Variants in MAP7D1 observed in about 807,000 individuals in gnomAD.
MAP7D1 encodes the protein MAP7 domain containing 1.
MAP7D1 carries 30 observed loss-of-function variants against 97.5 expected under a neutral mutation model. The ratio of observed to expected loss-of-function variants is 0.31; its 90% confidence interval spans 0.23 to 0.42. The LOEUF (loss-of-function observed/expected upper bound fraction) is 0.42. Ranked by LOEUF, MAP7D1 falls within the 10% of genes least tolerant of loss-of-function variation. The probability of loss-of-function intolerance (pLI) is 1.00; values close to 1 mark genes in which losing one functional copy is unlikely to be tolerated. For missense variants in MAP7D1, 1,184 were observed against 1,179.5 expected, an observed-to-expected ratio of 1.00 and a Z score of -0.06; for synonymous variants, 536 against 477.1, an observed-to-expected ratio of 1.12 and a Z score of -1.61.
chr1:36,179,029 T>A lies in MAP7D1; in HGVS notation c.2130+4T>A. 7.7e-7 allele frequency: 1 copy of A among 1,297,304 alleles called. No individual in the cohort carries two copies. Among genetic ancestry groups the A allele is most frequent in the South Asian group, 1.2e-5 (1 of 80,210 alleles). The allele number at this position is 1,297,304 out of a possible 1,614,324, so 80.4% of individuals were successfully genotyped here. A position where few individuals can be genotyped will look rare whatever the true frequency, so the allele number is the denominator to read the frequency against. On this transcript the variant is annotated splice_donor_region_variant and intron_variant, in intron 12 of 16. Coordinates refer to ENST00000474796, the MANE Select transcript of MAP7D1 (RefSeq NM_001388490.1). The stretch of plus-strand genomic sequence containing the variant: ...AGAGCGGCAAGAGCGCAGAAAGGTG[T>A]GCGGACCTGGGCGGGGATTTGTGGG...
Position 36,176,693 on chromosome 1 carries a change from C to T in MAP7D1, c.1234-4C>T. The T allele has an allele frequency of 6.2e-7, 1 of 1,605,144 alleles. No individual in the cohort carries two copies. The highest frequency in any genetic ancestry group is 1.1e-5 in the South Asian group (1 of 89,134). On this transcript the variant is annotated splice_region_variant and splice_polypyrimidine_tract_variant and intron_variant, in intron 7 of 16. Coordinates refer to ENST00000474796, the MANE Select transcript of MAP7D1 (RefSeq NM_001388490.1). The surrounding 1 kb of genome is among the most constrained non-coding windows in gnomAD (Gnocchi z 6.1). ...CTCCTCTTCCGTTCCTCCTTCCCTG[C>T]CAGGTGCAGAAAAAGGAGAAGAAGG...
In MAP7D1 at chr1:36,170,979, G is replaced by A. The variant is rs1400613704; in HGVS notation, c.55G>A (p.Ala19Thr). 9 of 1,419,664 alleles carry A rather than the reference G, an allele frequency of 6.3e-6. No homozygotes were observed. In the East Asian group the frequency reaches 1.1e-4, roughly 18 times the overall value. 87.9% of individuals were successfully genotyped at this position (1,419,664 alleles called of 1,614,324 possible). A position where few individuals can be genotyped will look rare whatever the true frequency, so the allele number is the denominator to read the frequency against. ...LGAGAPPAVVARTPPEPRPSP... is the reference protein window; with the variant it reads ...LGAGAPPAVVTRTPPEPRPSP... ...TTGTGTTGGTCTTTCAGCTGTGGTCGCCAGGACCCCCCCAGAGCCAAGACC... is the reference window on the plus strand; with the variant it reads ...TTGTGTTGGTCTTTCAGCTGTGGTCACCAGGACCCCCCCAGAGCCAAGACC... Residue 19 changes from alanine to threonine, a missense_variant, in exon 2 of 17, where the codon GCC becomes ACC. By Grantham distance (58) the Ala-to-Thr change is moderately conservative. Coordinates refer to ENST00000474796, the MANE Select transcript of MAP7D1 (RefSeq NM_001388490.1).
Position 36,173,345 on chromosome 1 carries a change from TCTC to T in MAP7D1, c.625-17_625-15del. ...ATGTTCTGAGTCCACATCTCTCTCT[TCTC>T]CCCACCTTCCCCCAGGAGCGCTATG... On this transcript the variant is annotated splice_polypyrimidine_tract_variant and intron_variant, in intron 4 of 16. Coordinates refer to ENST00000474796, the MANE Select transcript of MAP7D1 (RefSeq NM_001388490.1). 6.3e-7 allele frequency: 1 copy of T among 1,595,332 alleles called. No homozygotes were observed. The highest frequency in any genetic ancestry group is 8.6e-7 in the Non-Finnish European group (1 of 1,165,844).
chr1:36,161,510 T>C (rs79152495), intron 1 of MAP7D1, among the ~76,000 whole-genome samples: 1 of 152,250 alleles, frequency 6.6e-6, no homozygotes, highest in African/African-American at 2.4e-5. Flanking sequence ...TCTCTGAACC[T>C]GTTTCCTCGT....
In MAP7D1 at chr1:36,176,141, T is replaced by C; in HGVS notation, c.851-58T>C. On this transcript the variant is annotated intron_variant, in intron 6 of 16. Coordinates refer to ENST00000474796, the MANE Select transcript of MAP7D1 (RefSeq NM_001388490.1). The surrounding 1 kb of genome is among the most constrained non-coding windows in gnomAD (Gnocchi z 6.1). Reference sequence around the variant, plus strand: ...ATGGTGCCTGGTCTGCTCCCTTGCCTCTTCCTGCCTCCTACGGCCCCCACG... The same window carrying C: ...ATGGTGCCTGGTCTGCTCCCTTGCCCCTTCCTGCCTCCTACGGCCCCCACG... 1 of 1,580,024 alleles carries C rather than the reference T, an allele frequency of 6.3e-7. No individual in the cohort carries two copies. Among genetic ancestry groups the C allele is most frequent in the Non-Finnish European group, 8.6e-7 (1 of 1,168,074 alleles).
Position 36,176,209 on chromosome 1 carries a change from G to A in MAP7D1, c.861G>A (p.Leu287=), listed in dbSNP as rs1416463153. ...LWNSPSRNRS[L]QLSAWESSIV... ...GCCTTCTACCCCCAGATCGCAGCCT[G>A]CAGCTGAGCGCATGGGAGAGCAGCA... is the stretch of plus-strand genomic sequence containing the variant. The change falls in exon 7 of 17, where the codon CTG becomes CTA. Residue 287 remains leucine, a synonymous_variant. Coordinates refer to ENST00000474796, the MANE Select transcript of MAP7D1 (RefSeq NM_001388490.1). This position sits in a 1 kb window ranked among gnomAD's most constrained non-coding sequence, Gnocchi z 6.1. 1 of 1,607,148 alleles carries A rather than the reference G, an allele frequency of 6.2e-7. No homozygotes were observed. Among genetic ancestry groups the A allele is most frequent in the Non-Finnish European group, 8.5e-7 (1 of 1,179,108 alleles).
chr1:36,169,113 G>A (rs377409608), intron 1 of MAP7D1, among the ~76,000 whole-genome samples: 6 of 152,114 alleles, frequency 3.9e-5, no homozygotes, highest in South Asian at 4.1e-4. Flanking sequence ...TTAGCTGGGC[G>A]TGGTGGCAGG....
chr1:36,179,633 C>A, intron 14 of MAP7D1, 33 bp from the exon 15 acceptor site: 1 of 1,544,258 alleles, frequency 6.5e-7, no homozygotes, highest in African/African-American at 1.4e-5. Context: ...TCTTGCCAGC[C>A]CCTGGCTGAT....
rs769778260 is a variant in MAP7D1 at position 36,176,471 on chromosome 1, G to T, written c.1123G>T (p.Val375Phe). ...CGCCAGCCCCCTGACGCCGTGCAGC[G>T]TCACCCGAAGCGTGCACCGCTGCGC... ...ASASPLTPCS[V>F]TRSVHRCAPA... is the part of the protein sequence containing the mutation. Residue 375 changes from valine (V) to phenylalanine (F), a missense_variant, in exon 7 of 17, where the codon GTC becomes TTC. Coordinates refer to ENST00000474796, the MANE Select transcript of MAP7D1 (RefSeq NM_001388490.1). The surrounding 1 kb of genome is among the most constrained non-coding windows in gnomAD (Gnocchi z 6.1). The T allele has an allele frequency of 4.8e-6, 7 of 1,472,392 alleles. No individual in the cohort carries two copies. The Admixed American group carries it at 1.6e-4, about 34-fold the overall frequency. 91.2% of individuals were successfully genotyped at this position (1,472,392 alleles called of 1,614,324 possible).
intron 1 of MAP7D1, among the ~76,000 whole-genome samples, chr1:36,167,539 T>A (rs1644488117): frequency 6.6e-6 from 1 of 152,096 alleles, no homozygotes; most frequent in Admixed American, 6.6e-5. Flanking sequence ...AGGTGCTGCT[T>A]ACCAAGCCCC....
In MAP7D1 at chr1:36,156,389, A is replaced by AC. The variant is rs1644329092; in HGVS notation, c.-25dup. ...GGCCGCCGCCGCCGCCGCCGCTGAG[A>AC]CCCCGAGACCCCCAGTGACGCCGCA... On this transcript the variant is annotated 5_prime_UTR_variant, in exon 1 of 17. Coordinates refer to ENST00000474796, the MANE Select transcript of MAP7D1 (RefSeq NM_001388490.1). 3.4e-6 allele frequency: 5 copies of AC among 1,482,824 alleles called. No individual in the cohort carries two copies. The highest frequency in any genetic ancestry group is 4.4e-6 in the Non-Finnish European group (5 of 1,123,948). 91.9% of individuals were successfully genotyped at this position (1,482,824 alleles called of 1,614,324 possible). A position where few individuals can be genotyped will look rare whatever the true frequency, so the allele number is the denominator to read the frequency against.
chr1:36,177,584 A>C (rs1240299725), intron 8 of MAP7D1: 1 of 679,444 alleles, frequency 1.5e-6, no homozygotes, highest in African/African-American at 1.8e-5. Context: ...GGTAGCACTC[A>C]GGGTGCTGAG....
chr1:36,180,295 CT>C lies in MAP7D1; in HGVS notation c.*38del. The C allele has an allele frequency of 6.2e-7, 1 of 1,613,770 alleles. No homozygotes were observed. The highest frequency in any genetic ancestry group is 8.5e-7 in the Non-Finnish European group (1 of 1,179,642). On this transcript the variant is annotated 3_prime_UTR_variant, in exon 17 of 17. Coordinates refer to ENST00000474796, the MANE Select transcript of MAP7D1 (RefSeq NM_001388490.1). ...TTGGATCCGGGCACAGTTGTGAGGG[CT>C]CCTCTGCATCACCTACCAGGATGTC...
rs992987348 is a variant in MAP7D1, at chr1:36,159,127, G to A, written c.46+2664G>A. Among the ~76,000 whole-genome samples the A allele has an allele frequency of 4.6e-5, 7 of 151,890 alleles. No individual in the cohort carries two copies. The highest frequency in any genetic ancestry group is 2.1e-4 in the South Asian group (1 of 4,814). ...GGCTGGAGTGCAATGCCACGATCTC[G>A]GCACACTGCAACCTCCGCCTCCCAG... On this transcript the variant is annotated intron_variant, in intron 1 of 16. Transcript: ENST00000474796. This position sits in a 1 kb window ranked among gnomAD's most constrained non-coding sequence, Gnocchi z 5.4.
At position 36,156,481 on chromosome 1, in the gene MAP7D1, C is replaced by T; in HGVS notation, c.46+18C>T. 1 of 1,449,136 alleles carries T rather than the reference C, an allele frequency of 6.9e-7. No individual in the cohort carries two copies. Among genetic ancestry groups the T allele is most frequent in the Admixed American group, 2.8e-5 (1 of 35,946 alleles). The allele number at this position is 1,449,136 out of a possible 1,614,324, so 89.8% of individuals were successfully genotyped here. A position where few individuals can be genotyped will look rare whatever the true frequency, so the allele number is the denominator to read the frequency against. On this transcript the variant is annotated intron_variant, in intron 1 of 16. Transcript: ENST00000474796. ...ACCCCCAGGTATGCCGGGAGCCACG[C>T]GGAGGCGAGATGGGGGTAGATGGAG...
intron 1 of MAP7D1, chr1:36,157,388 T>C (rs573645111): frequency 6.6e-6 from 1 of 152,442 alleles, no homozygotes; most frequent in East Asian, 1.9e-4. Flanking sequence ...TCTCTCTTTC[T>C]GCCCACACCT....
chr1:36,171,468 T>G, intron 2 of MAP7D1, 45 bp from the exon 3 acceptor site: 1 of 1,603,918 alleles, frequency 6.2e-7, no homozygotes, highest in Non-Finnish European at 8.5e-7. Flanking sequence ...GACTCCTCTT[T>G]GGGGACAGCC....
At chr1:36,173,576 C>A in intron 5 of MAP7D1, 98 bp downstream of exon 5, 1 of 856,036 alleles carries the variant, frequency 1.2e-6, no homozygotes, top group Non-Finnish European at 1.8e-6. Flanking sequence ...TGGCTCCCTG[C>A]AGCAGGTGTG....
At position 36,156,193 on chromosome 1, in the gene MAP7D1, G is replaced by A; in HGVS notation, c.-225G>A. The A allele has an allele frequency of 2.4e-6, 1 of 424,110 alleles. No homozygotes were observed. The highest frequency in any genetic ancestry group is 3.7e-5 in the East Asian group (1 of 26,756). The allele number at this position is 424,110 out of a possible 1,614,324, so 26.3% of individuals were successfully genotyped here. On this transcript the variant is annotated 5_prime_UTR_variant, in exon 1 of 17. Transcript: ENST00000474796. Reference sequence around the variant, plus strand: ...GAGGCCGGGACTGGGCCGGCGCCGGGCGGGGAACGGGTTCGCGACCGCAGC... The same window carrying A: ...GAGGCCGGGACTGGGCCGGCGCCGGACGGGGAACGGGTTCGCGACCGCAGC...
Sources: allele counts gnomAD v4.1 joint callset (sites outside exome capture counted in the v4.1 genomes callset), GRCh38; gene constraint gnomAD v4.1.1; non-coding constraint Gnocchi (gnomAD v3.1); transcripts MANE v1.5; gene names NCBI Gene and HGNC (gene_info 2026-07-23, HGNC 2026-07-21).